Variants in RNLS observed in about 807,000 individuals in gnomAD.
The protein encoded by RNLS is renalase.
A neutral mutation model predicts 39.8 loss-of-function variants in RNLS; 39 were observed. The ratio of observed to expected loss-of-function variants is 0.98; its 90% CI spans 0.76 to 1.28. The LOEUF is 1.28. Among genes scored for constraint, RNLS ranks in the 50% most tolerant of loss-of-function variants. The probability of loss-of-function intolerance (pLI) is 0.00; values close to 1 mark genes in which losing one functional copy is unlikely to be tolerated. For synonymous variants in RNLS, 147 were observed against 150.7 expected, an observed-to-expected ratio of 0.98 and a Z score of 0.18; for missense variants, 410 against 413.3, an observed-to-expected ratio of 0.99 and a Z score of 0.07.
chr10:88,464,427 T>A (rs879267938), intron 4 of RNLS, among the ~76,000 whole-genome samples: 8 of 152,076 alleles, frequency 5.3e-5, no homozygotes, highest in Admixed American at 3.9e-4. Context: ...TACAGCAGCA[T>A]CAAATGATTT....
At position 88,403,084 on chromosome 10, in the gene RNLS, C is replaced by T. The variant is rs1853037140; in HGVS notation, c.527-40359G>A. On this transcript the variant is annotated intron_variant, in intron 4 of 6. Coordinates refer to ENST00000331772, the MANE Select transcript of RNLS (RefSeq NM_001031709.3). ...TGAATGTTAAGTGACATCATGGGGACGTTTTCAGCCAAATGCAGACCACAG... is the reference window on the plus strand; with the variant it reads ...TGAATGTTAAGTGACATCATGGGGATGTTTTCAGCCAAATGCAGACCACAG... Among the ~76,000 whole-genome samples the T allele has an allele frequency of 2.6e-5, 4 of 151,922 alleles. No individual in the cohort carries two copies. In the South Asian group the frequency reaches 6.2e-4, roughly 24 times the overall value.
rs572294291 is a variant in RNLS, at chr10:88,349,234, G to A, written c.700+13318C>T. The stretch of plus-strand genomic sequence containing the variant: ...TTAAAGTTTATTTTTGATTTCTATA[G>A]TTAGCTGATTTTCTACTTTCATTCC... On this transcript the variant is annotated intron_variant, in intron 5 of 6. Coordinates refer to ENST00000331772, the MANE Select transcript of RNLS (RefSeq NM_001031709.3). 2.6e-5 allele frequency among the ~76,000 whole-genome samples: 4 copies of A among 152,246 alleles called. No individual in the cohort carries two copies. The South Asian group carries it at 6.2e-4, about 24-fold the overall frequency.
intron 6 of RNLS, among the ~76,000 whole-genome samples, chr10:88,276,151 A>G (rs1036927141): frequency 4.6e-5 from 7 of 152,182 alleles, no homozygotes; most frequent in East Asian, 1.9e-4. Flanking sequence ...TAACTCTTAA[A>G]AAATTGAGCT....
At chr10:88,296,992 T>G (rs1844139828) in intron 6 of RNLS, among the ~76,000 whole-genome samples, 2 of 152,218 alleles carry the variant, frequency 1.3e-5, no homozygotes, top group South Asian at 4.1e-4. Context: ...TTCCTTTTTA[T>G]TACTGAGTAG....
intron 6 of RNLS, among the ~76,000 whole-genome samples, chr10:88,306,190 G>T (rs1844901666): frequency 6.6e-6 from 1 of 152,130 alleles, no homozygotes; most frequent in Non-Finnish European, 1.5e-5. Context: ...TGTTAAGAGG[G>T]AAATTTATAG....
rs11202765 is a variant in RNLS, at chr10:88,527,872, G to A, written c.526+45031C>T. ...AAAAAAAATAAAATCTGGGAAAAAAGTTTGTTATCCTCAGAGAGATAAGAT... is the reference window on the plus strand; with the variant it reads ...AAAAAAAATAAAATCTGGGAAAAAAATTTGTTATCCTCAGAGAGATAAGAT... On this transcript the variant is annotated intron_variant, in intron 4 of 6. Transcript: ENST00000331772. Among the ~76,000 whole-genome samples the A allele has an allele frequency of 3.3e-4, 50 of 151,458 alleles. No individual in the cohort carries two copies. The East Asian group carries it at 9.3e-3, about 28-fold the overall frequency.
rs143360262 is a variant in RNLS at position 88,422,321 on chromosome 10, G to C, written c.527-59596C>G. Among the ~76,000 whole-genome samples, 2 of 152,082 alleles carry C rather than the reference G, an allele frequency of 1.3e-5. 1 individual carries two copies. Among genetic ancestry groups the C allele is most frequent in the Admixed American group, 1.3e-4 (2 of 15,268 alleles). On this transcript the variant is annotated intron_variant, in intron 4 of 6. Transcript: ENST00000331772. ...ATGGAAGGATGGGGGATACGAATTCGAAGCCTGAAAGAAAAAAGGAGCTTC... is the reference window on the plus strand; with the variant it reads ...ATGGAAGGATGGGGGATACGAATTCCAAGCCTGAAAGAAAAAAGGAGCTTC...
At chr10:88,231,646 C>T in the RNLS span, among the ~76,000 whole-genome samples, 5 of 152,118 alleles carry the variant, frequency 3.3e-5, no homozygotes, top group African/African-American at 1.2e-4. Context: ...CCTTTGGGGA[C>T]AGAAGTGTCA....
At chr10:88,466,125 G>C (rs149391422) in intron 4 of RNLS, among the ~76,000 whole-genome samples, 77 of 152,196 alleles carry the variant, frequency 5.1e-4, no homozygotes, top group Non-Finnish European at 6.5e-4. Flanking sequence ...GGATGCCAGG[G>C]AGAGATATTA....
chr10:88,465,477 T>C (rs914719898), intron 4 of RNLS, among the ~76,000 whole-genome samples: 10 of 152,092 alleles, frequency 6.6e-5, no homozygotes, highest in African/African-American at 2.2e-4. Context: ...ATTTGAACTA[T>C]GTGGCTCAAG....
intron 4 of RNLS, among the ~76,000 whole-genome samples, chr10:88,416,932 A>T (rs1486747765): frequency 6.6e-6 from 1 of 152,230 alleles, no homozygotes; most frequent in African/African-American, 2.4e-5. Flanking sequence ...GCAAAGATCA[A>T]ATCTTAAAAA....
At chr10:88,172,800 T>C in the RNLS span, among the ~76,000 whole-genome samples, 11 of 147,670 alleles carry the variant, frequency 7.4e-5, no homozygotes, top group Middle Eastern at 3.4e-3. Flanking sequence ...AAGAGTTTAA[T>C]AGTTTGGGGT....
intron 5 of RNLS, among the ~76,000 whole-genome samples, chr10:88,356,167 C>T (rs1043326425): frequency 2.6e-5 from 4 of 152,222 alleles, no homozygotes; most frequent in East Asian, 3.8e-4. Flanking sequence ...GCGCTTCCCA[C>T]GTGAGGCGAT....
chr10:88,443,474 A>G (rs1010237540), intron 4 of RNLS, among the ~76,000 whole-genome samples: 2 of 152,174 alleles, frequency 1.3e-5, no homozygotes, highest in Admixed American at 1.3e-4. Flanking sequence ...GGTGCAGGAC[A>G]GTGGGTGCAG....
intron 5 of RNLS, among the ~76,000 whole-genome samples, chr10:88,321,818 C>T (rs943155178): frequency 1.3e-5 from 2 of 151,764 alleles, no homozygotes; most frequent in African/African-American, 4.8e-5. Context: ...ATCTACAAAC[C>T]AAAAAAGAAA....
chr10:88,265,323 C>CTTTTTTTTTTTTTTTTTTTTTT, the RNLS span, among the ~76,000 whole-genome samples: 1 of 59,066 alleles, frequency 1.7e-5, no homozygotes, highest in African/African-American at 6.7e-5. Flanking sequence ...CAGGGTTTTT[C>CTTTTTTTTTTTTTTTTTTTTTT]TTTTTTTTTT....
chr10:88,522,632 T>C lies in RNLS; in HGVS notation c.526+50271A>G, dbSNP rs548262253. ...GTCAACCCTCTATAAGGGTACTTAT[T>C]AGGTTCAATGTTAGGCCCACAAACT... On this transcript the variant is annotated intron_variant, in intron 4 of 6. Coordinates refer to ENST00000331772, the MANE Select transcript of RNLS (RefSeq NM_001031709.3). Among the ~76,000 whole-genome samples, 10 of 152,178 alleles carry C rather than the reference T, an allele frequency of 6.6e-5. No homozygotes were observed. The East Asian group carries it at 1.2e-3, about 18-fold the overall frequency.
intron 4 of RNLS, among the ~76,000 whole-genome samples, chr10:88,547,518 A>C (rs1848379662): frequency 6.6e-6 from 1 of 152,222 alleles, no homozygotes; most frequent in Non-Finnish European, 1.5e-5. Context: ...CAGCATTTTG[A>C]AACTTTAGAG....
intron 4 of RNLS, among the ~76,000 whole-genome samples, chr10:88,440,270 G>T (rs1445294119): frequency 6.6e-6 from 1 of 152,154 alleles, no homozygotes; most frequent in African/African-American, 2.4e-5. Flanking sequence ...GTCATTAATG[G>T]TCAGGATTTC....
Sources: allele counts gnomAD v4.1 joint callset (sites outside exome capture counted in the v4.1 genomes callset), GRCh38; gene constraint gnomAD v4.1.1; transcripts MANE v1.5; gene names NCBI Gene and HGNC (gene_info 2026-07-23, HGNC 2026-07-21).